EPHA1: variants seen among roughly 807,000 people sequenced by gnomAD.
The protein encoded by EPHA1 is ephrin type-A receptor 1.
EPHA1 carries 92 observed loss-of-function variants against 110.1 expected under a neutral mutation model. That is an observed-to-expected ratio of 0.84 (90% CI 0.71 to 0.99). The LOEUF is 0.99. Ranked by LOEUF, EPHA1 falls within the 50% of genes least tolerant of loss-of-function variation. The pLI, the probability that EPHA1 is intolerant of heterozygous loss-of-function variation, is 0.00. For missense variants in EPHA1, 1,204 were observed against 1,285.4 expected (o/e 0.94, Z 0.97); for synonymous variants, 500 against 516.1 (o/e 0.97, Z 0.42).
In EPHA1 at chr7:143,395,087, T is replaced by G; in HGVS notation, c.2145+34A>C. 1 of 1,613,564 alleles carries G rather than the reference T, an allele frequency of 6.2e-7. No homozygotes were observed. The highest frequency in any genetic ancestry group is 8.5e-7 in the Non-Finnish European group (1 of 1,179,826). On this transcript the variant is annotated intron_variant, in intron 13 of 17. Coordinates refer to ENST00000275815, the MANE Select transcript of EPHA1 (RefSeq NM_005232.5). The surrounding 1 kb of genome is among the most constrained non-coding windows in gnomAD (Gnocchi z 4.7). Reference sequence around the variant, plus strand: ...CCAGTGCCCAGGGTACCATGGTGCATCCCCCTCCCCAGCTAGTCCTCTGCC... The same window carrying G: ...CCAGTGCCCAGGGTACCATGGTGCAGCCCCCTCCCCAGCTAGTCCTCTGCC...
At chr7:143,405,916 ACCC>A (rs1168842022) in intron 2 of EPHA1, among the ~76,000 whole-genome samples, 2 of 152,080 alleles carry the variant, frequency 1.3e-5, no homozygotes, top group Non-Finnish European at 2.9e-5. Context: ...AAGGAAGGAA[ACCC>A]TGAGAGAAGG....
Position 143,391,413 on chromosome 7 carries a change from C to T in EPHA1, c.*44G>A. ...TGACCATGAGCGACCTTGGCCCCGT[C>T]CTTGCTCCTTGCACCCTGATTGGGC... On this transcript the variant is annotated 3_prime_UTR_variant, in exon 18 of 18. Coordinates refer to ENST00000275815, the MANE Select transcript of EPHA1 (RefSeq NM_005232.5). The T allele has an allele frequency of 1.2e-6, 2 of 1,611,034 alleles. No individual in the cohort carries two copies. The highest frequency in any genetic ancestry group is 4.5e-5 in the East Asian group (2 of 44,754).
At chr7:143,402,100 T>TC (rs1805437431) in intron 2 of EPHA1, among the ~76,000 whole-genome samples, 1 of 151,464 alleles carries the variant, frequency 6.6e-6, no homozygotes, top group African/African-American at 2.4e-5. Context: ...CTTTCTTTTT[T>TC]TTTTTTTTGG....
intron 1 of EPHA1, chr7:143,407,968 G>C (rs911260452): frequency 5.0e-5 from 12 of 238,950 alleles, no homozygotes; most frequent in Non-Finnish European, 8.1e-6. Flanking sequence ...GAGACGCTCA[G>C]TTACCCAGGC....
Position 143,397,774 on chromosome 7 carries a change from G to T in EPHA1, c.1616-117C>A, listed in dbSNP as rs576721214. On this transcript the variant is annotated intron_variant, in intron 8 of 17. Transcript: ENST00000275815. ...CAGACCTTTCAGTGTGCATCAGGTC[G>T]GTGTCTGTCCCCTACCCCCGGAAGA... The T allele has an allele frequency of 3.6e-5, 55 of 1,513,782 alleles. No individual in the cohort carries two copies. In the East Asian group the frequency reaches 1.1e-3, roughly 29 times the overall value. The allele number at this position is 1,513,782 out of a possible 1,614,324, so 93.8% of individuals were successfully genotyped here. A position where few individuals can be genotyped will look rare whatever the true frequency, so the allele number is the denominator to read the frequency against.
At position 143,393,988 on chromosome 7, in the gene EPHA1, G is replaced by A. The variant is rs1047568379; in HGVS notation, c.2503-124C>T. 2.0e-5 allele frequency: 26 copies of A among 1,294,754 alleles called. No individual in the cohort carries two copies. The highest frequency in any genetic ancestry group is 2.5e-5 in the Non-Finnish European group (24 of 949,280). The allele number at this position is 1,294,754 out of a possible 1,614,324, so 80.2% of individuals were successfully genotyped here. On this transcript the variant is annotated intron_variant, in intron 15 of 17. Transcript: ENST00000275815. The surrounding 1 kb of genome is among the most constrained non-coding windows in gnomAD (Gnocchi z 5.6). ...GGATGGGAGGAGGTGGGAGGACCAG[G>A]GTGGGACGATCACAGTGGGAGGATC...
rs759684433 is a variant in EPHA1 at position 143,394,994 on chromosome 7, G to T, written c.2166C>A (p.Val722=). Residue 722 remains valine, a synonymous_variant, in exon 14 of 18, where the codon GTC becomes GTA. Coordinates refer to ENST00000275815, the MANE Select transcript of EPHA1 (RefSeq NM_005232.5). The part of the protein sequence containing the change: ...AFLREREDQL[V]PGQLVAMLQG... Reference sequence around the variant, plus strand: ...GCAGCATGGCCACTAGCTGCCCAGGGACCAGCTGGTCCTCCCGCTCCTGCA... The same window carrying T: ...GCAGCATGGCCACTAGCTGCCCAGGTACCAGCTGGTCCTCCCGCTCCTGCA... The T allele has an allele frequency of 6.2e-7, 1 of 1,614,040 alleles. No individual in the cohort carries two copies. Among genetic ancestry groups the T allele is most frequent in the Non-Finnish European group, 8.5e-7 (1 of 1,180,014 alleles).
At chr7:143,397,271 A>G (rs775727329) in intron 10 of EPHA1, 33 bp downstream of exon 10, 21 of 1,541,582 alleles carry the variant, frequency 1.4e-5, no homozygotes, top group Non-Finnish European at 1.8e-5. Flanking sequence ...GTGCACACGC[A>G]TGTGGGGACA....
At chr7:143,408,413 G>A (rs1328974570) in intron 1 of EPHA1, among the ~76,000 whole-genome samples, 1 of 152,082 alleles carries the variant, frequency 6.6e-6, no homozygotes, top group East Asian at 1.9e-4. Flanking sequence ...GACTGTCTGG[G>A]AATGCAGGCA....
Position 143,397,834 on chromosome 7 carries a change from A to C in EPHA1, c.1615+86T>G, listed in dbSNP as rs1805301972. On this transcript the variant is annotated intron_variant, in intron 8 of 17. Coordinates refer to ENST00000275815, the MANE Select transcript of EPHA1 (RefSeq NM_005232.5). The stretch of plus-strand genomic sequence containing the variant: ...GTGTGCATGTGTGTAGAGGAAGAGG[A>C]AAAGTCACTACGTGGAACAGGAGCT... 4 of 1,576,594 alleles carry C rather than the reference A, an allele frequency of 2.5e-6. No individual in the cohort carries two copies. The South Asian group carries it at 3.4e-5, about 14-fold the overall frequency.
At chr7:143,397,703 A>T in intron 8 of EPHA1, 46 bp from the exon 9 acceptor site, 1 of 1,608,086 alleles carries the variant, frequency 6.2e-7, no homozygotes, top group Non-Finnish European at 8.5e-7. Context: ...CACAGTCCGT[A>T]GGAATGAGGG....
At position 143,391,250 on chromosome 7, in the gene EPHA1, A is replaced by T. The variant is rs1425848808; in HGVS notation, c.*207T>A. Reference sequence around the variant, plus strand: ...ATTAACCCCTCAGCTCCCTCCCATGATCATCCTTTTACTTCTACCCCCACC... The same window carrying T: ...ATTAACCCCTCAGCTCCCTCCCATGTTCATCCTTTTACTTCTACCCCCACC... On this transcript the variant is annotated 3_prime_UTR_variant, in exon 18 of 18. Coordinates refer to ENST00000275815, the MANE Select transcript of EPHA1 (RefSeq NM_005232.5). 8.2e-6 allele frequency: 5 copies of T among 606,292 alleles called. No homozygotes were observed. Among genetic ancestry groups the T allele is most frequent in the Non-Finnish European group, 1.5e-5 (5 of 342,144 alleles). 37.6% of individuals were successfully genotyped at this position (606,292 alleles called of 1,614,324 possible).
chr7:143,405,191 G>T (rs535897086), intron 2 of EPHA1, among the ~76,000 whole-genome samples: 1 of 152,168 alleles, frequency 6.6e-6, no homozygotes, highest in East Asian at 1.9e-4. Flanking sequence ...ACTGGCGGGG[G>T]TCAGGTGGGC....
chr7:143,391,356 G>T lies in EPHA1; in HGVS notation c.*101C>A. Reference sequence around the variant, plus strand: ...GGGCAGAAGCAGCACCGATAGCCTAGTCTGGCAGGTTGTGGGAAGGGGCGC... The same window carrying T: ...GGGCAGAAGCAGCACCGATAGCCTATTCTGGCAGGTTGTGGGAAGGGGCGC... On this transcript the variant is annotated 3_prime_UTR_variant, in exon 18 of 18. Coordinates refer to ENST00000275815, the MANE Select transcript of EPHA1 (RefSeq NM_005232.5). 1 of 1,397,636 alleles carries T rather than the reference G, an allele frequency of 7.2e-7. No homozygotes were observed. The allele number at this position is 1,397,636 out of a possible 1,614,324, so 86.6% of individuals were successfully genotyped here.
chr7:143,407,479 T>A, intron 2 of EPHA1, 132 bp downstream of exon 2: 6 of 675,434 alleles, frequency 8.9e-6, no homozygotes, highest in East Asian at 3.3e-5. Context: ...TGACTCAGCC[T>A]CCTCTCCCCC....
chr7:143,398,952 G>C lies in EPHA1; in HGVS notation c.992-7C>G, dbSNP rs1805340701. The C allele has an allele frequency of 6.3e-7, 1 of 1,586,616 alleles. No homozygotes were observed. Among genetic ancestry groups the C allele is most frequent in the Non-Finnish European group, 8.6e-7 (1 of 1,166,314 alleles). On this transcript the variant is annotated splice_region_variant and splice_polypyrimidine_tract_variant and intron_variant, in intron 5 of 17. Transcript: ENST00000275815. The stretch of plus-strand genomic sequence containing the variant: ...CGGGGGGCCGAGGGGGGACCTGTGG[G>C]AGAAGAGGAGCCATCAGTAGAAGCC...
At position 143,391,155 on chromosome 7, in the gene EPHA1, G is replaced by A. The variant is rs1484265953; in HGVS notation, c.*302C>T. ...TTTGTAGTGCCTGCAGCCCTCATGGGTGGGATGGAGGCAGAAAATCAGTTC... is the reference window on the plus strand; with the variant it reads ...TTTGTAGTGCCTGCAGCCCTCATGGATGGGATGGAGGCAGAAAATCAGTTC... On this transcript the variant is annotated 3_prime_UTR_variant, in exon 18 of 18. Transcript: ENST00000275815. 3 of 388,298 alleles carry A rather than the reference G, an allele frequency of 7.7e-6. No individual in the cohort carries two copies. In the Admixed American group the frequency reaches 1.3e-4, roughly 17 times the overall value. 24.1% of individuals were successfully genotyped at this position (388,298 alleles called of 1,614,324 possible). A position where few individuals can be genotyped will look rare whatever the true frequency, so the allele number is the denominator to read the frequency against.
At chr7:143,403,045 G>A (rs1287121437) in intron 2 of EPHA1, among the ~76,000 whole-genome samples, 1 of 152,116 alleles carries the variant, frequency 6.6e-6, no homozygotes, top group East Asian at 1.9e-4. Context: ...GTGTTATTTT[G>A]TAAGCTACTT....
At chr7:143,400,147 A>G in intron 3 of EPHA1, 94 bp from the exon 4 acceptor site, 3 of 1,393,508 alleles carry the variant, frequency 2.2e-6, no homozygotes, top group Non-Finnish European at 1.9e-6. Context: ...ACTTTCCACA[A>G]CCATGAACAC....
Sources: allele counts gnomAD v4.1 joint callset (sites outside exome capture counted in the v4.1 genomes callset), GRCh38; gene constraint gnomAD v4.1.1; non-coding constraint Gnocchi (gnomAD v3.1); transcripts MANE v1.5; gene names NCBI Gene and HGNC (gene_info 2026-07-23, HGNC 2026-07-21).